Variants in IDO2 observed in about 807,000 individuals in gnomAD.
The protein encoded by IDO2 is indoleamine 2,3-dioxygenase-like 1 protein.
In IDO2, 46 loss-of-function variants were observed where a neutral mutation model predicts 45.1. The ratio of observed to expected loss-of-function variants is 1.02; its 90% CI spans 0.80 to 1.30. The LOEUF (loss-of-function observed/expected upper bound fraction) is 1.30. IDO2 is among the 50% of genes most tolerant of loss of function. The pLI, the probability that IDO2 is intolerant of heterozygous loss-of-function variation, is 0.00. For synonymous variants in IDO2, 218 were observed against 184.9 expected (o/e 1.18, Z -1.45); for missense variants, 544 against 491.8 (o/e 1.11, Z -1.00).
At chr8:39,963,371 A>G (rs912373874) in intron 2 of IDO2, among the ~76,000 whole-genome samples, 3 of 152,224 alleles carry the variant, frequency 2.0e-5, no homozygotes, top group Non-Finnish European at 4.4e-5. Context: ...AACATATTTT[A>G]CTGCATTGGC....
chr8:39,995,614 T>A (rs1401724550), intron 8 of IDO2, among the ~76,000 whole-genome samples: 1 of 152,098 alleles, frequency 6.6e-6, no homozygotes, highest in African/African-American at 2.4e-5. Flanking sequence ...TGTTCCAGTA[T>A]AATGAGGAAA....
At chr8:39,982,712 C>T (rs954284248) in exon 5 of IDO2, 5 of 1,611,728 alleles carry the variant, frequency 3.1e-6, no homozygotes, top group African/African-American at 1.3e-5. Context: ...GGGGCTCCCT[C>T]CTATCCTGGT....
intron 8 of IDO2, among the ~76,000 whole-genome samples, chr8:39,997,482 G>C (rs546963376): frequency 6.6e-6 from 1 of 150,976 alleles, no homozygotes; most frequent in African/African-American, 2.4e-5. Flanking sequence ...ACCAGCCTGG[G>C]CAACATAGCA....
At chr8:39,955,666 G>A (rs564834244) in intron 2 of IDO2, among the ~76,000 whole-genome samples, 11 of 152,034 alleles carry the variant, frequency 7.2e-5, no homozygotes, top group Admixed American at 7.2e-4. Flanking sequence ...TACCCATCCC[G>A]CAAGGAAGAA....
intron 8 of IDO2, among the ~76,000 whole-genome samples, chr8:39,999,983 T>A (rs1306464731): frequency 6.6e-6 from 1 of 152,238 alleles, no homozygotes; most frequent in African/African-American, 2.4e-5. Flanking sequence ...TTGAACTTCG[T>A]AAATTGTGTG....
intron 3 of IDO2, among the ~76,000 whole-genome samples, chr8:39,970,426 C>T (rs968927338): frequency 3.9e-5 from 6 of 152,204 alleles, no homozygotes; most frequent in African/African-American, 1.4e-4. Flanking sequence ...AAGTCTTGCT[C>T]TGTCCCCCAG....
intron 9 of IDO2, among the ~76,000 whole-genome samples, chr8:40,010,642 T>TCAAATCCAGATTTGATATATATG (rs1802296631): frequency 6.6e-6 from 1 of 152,128 alleles, no homozygotes; most frequent in Admixed American, 6.6e-5. Context: ...GGATATATAC[T>TCAAATCCAGATTTGATATATATG]GAAATCAAAG....
chr8:39,994,928 AG>A (rs1802010532), intron 8 of IDO2, among the ~76,000 whole-genome samples: 1 of 152,166 alleles, frequency 6.6e-6, no homozygotes, highest in African/African-American at 2.4e-5. Context: ...ATATTATCTA[AG>A]CTTAGTTTAC....
At chr8:40,011,320 T>C (rs1173414238) in intron 9 of IDO2, among the ~76,000 whole-genome samples, 2 of 152,138 alleles carry the variant, frequency 1.3e-5, no homozygotes, top group Non-Finnish European at 2.9e-5. Context: ...TTAGCAGTAC[T>C]CAAGATGGGA....
chr8:39,979,325 G>A (rs911018062), intron 4 of IDO2, 139 bp downstream of exon 4: 4 of 592,408 alleles, frequency 6.8e-6, no homozygotes, highest in Middle Eastern at 3.7e-4. Context: ...TTTAAGCAAC[G>A]ATGAAGGGCT....
chr8:39,974,524 TG>T (rs1460706791), intron 3 of IDO2, among the ~76,000 whole-genome samples: 8 of 152,248 alleles, frequency 5.3e-5, no homozygotes, highest in Admixed American at 1.3e-4. Context: ...GGCTCACGCC[TG>T]TAATCCCAGC....
chr8:39,982,822 A>C, intron 5 of IDO2, 52 bp downstream of exon 5: 2 of 1,177,298 alleles, frequency 1.7e-6, no homozygotes, highest in East Asian at 5.1e-5. Flanking sequence ...CCCAGGAAAC[A>C]CCCAGGCTTT....
At chr8:39,947,171 CAAA>C (rs55785952) in intron 1 of IDO2, among the ~76,000 whole-genome samples, 13 of 80,018 alleles carry the variant, frequency 1.6e-4, no homozygotes, top group African/African-American at 5.5e-4. Flanking sequence ...GCTAAGGTAT[CAAA>C]AAAAAAAAAA....
At chr8:40,011,706 T>C (rs1413308674) in intron 9 of IDO2, among the ~76,000 whole-genome samples, 1 of 152,208 alleles carries the variant, frequency 6.6e-6, no homozygotes, top group Non-Finnish European at 1.5e-5. Flanking sequence ...TGGGCAGGTA[T>C]TATTTTAATT....
chr8:39,997,423 A>G (rs1203493479), intron 8 of IDO2, among the ~76,000 whole-genome samples: 2 of 152,122 alleles, frequency 1.3e-5, no homozygotes, highest in Non-Finnish European at 2.9e-5. Flanking sequence ...CCTGTAATCC[A>G]AGCACTTTGG....
intron 7 of IDO2, among the ~76,000 whole-genome samples, chr8:39,988,576 G>A (rs372646032): frequency 3.3e-5 from 5 of 151,952 alleles, no homozygotes; most frequent in East Asian, 3.9e-4. Context: ...ACGCCACCAC[G>A]CCTGGCTAAT....
intron 7 of IDO2, 123 bp downstream of exon 7, chr8:39,988,093 CAA>C: frequency 1.0e-5 from 6 of 596,598 alleles, no homozygotes; most frequent in Non-Finnish European, 1.8e-5. Flanking sequence ...CTGCTTAGTT[CAA>C]GTCTGAGAGA....
intron 8 of IDO2, chr8:39,998,164 TGGG>T (rs1284441562): frequency 5.9e-6 from 1 of 168,424 alleles, no homozygotes; most frequent in African/African-American, 2.4e-5. Flanking sequence ...CTGTTTCTCT[TGGG>T]GGCATCTTTC....
intron 5 of IDO2, chr8:39,985,193 T>C (rs1411230266): frequency 1.0e-5 from 4 of 389,238 alleles, no homozygotes; most frequent in Non-Finnish European, 1.9e-5. Context: ...CCTTCCAAAG[T>C]GCTAGGATTA....
Sources: allele counts gnomAD v4.1 joint callset (sites outside exome capture counted in the v4.1 genomes callset), GRCh38; gene constraint gnomAD v4.1.1; transcripts MANE v1.5; gene names NCBI Gene and HGNC (gene_info 2026-07-23, HGNC 2026-07-21).